Variants in KCNK1 observed in about 807,000 individuals in gnomAD.
The protein encoded by KCNK1 is potassium channel subfamily K member 1.
Under a neutral mutation model 22.2 loss-of-function variants are expected in KCNK1, and 10 were observed. That is an observed-to-expected ratio of 0.45 (90% CI 0.28 to 0.76). The LOEUF is 0.76. KCNK1 is among the 30% of genes least tolerant of loss of function. The pLI is 0.14. For synonymous variants in KCNK1, 200 were observed against 186.4 expected (o/e 1.07, Z -0.60); for missense variants, 378 against 421.0 (o/e 0.90, Z 0.89).
Position 233,623,821 on chromosome 1 carries a change from G to T in KCNK1, c.355+9295G>T, listed in dbSNP as rs1571889381. Among the ~76,000 whole-genome samples, 4 of 152,208 alleles carry T rather than the reference G, an allele frequency of 2.6e-5. No homozygotes were observed. In the South Asian group the frequency reaches 8.3e-4, roughly 32 times the overall value. The stretch of plus-strand genomic sequence containing the variant: ...TTGCCATGCTGGTCTTGAACTCCTG[G>T]CCTCAGGTGATCCACCTCAGCCTCC... On this transcript the variant is annotated intron_variant, in intron 1 of 2. Coordinates refer to ENST00000366621, the MANE Select transcript of KCNK1 (RefSeq NM_002245.4).
At chr1:233,666,206 G>C (rs1658485596) in intron 1 of KCNK1, among the ~76,000 whole-genome samples, 1 of 152,208 alleles carries the variant, frequency 6.6e-6, no homozygotes, top group Non-Finnish European at 1.5e-5. Context: ...GTGAACTGAA[G>C]GGGTGGAGGG....
At chr1:233,649,839 C>A in intron 1 of KCNK1, 1 of 425,648 alleles carries the variant, frequency 2.3e-6, no homozygotes, top group Non-Finnish European at 4.8e-6. Flanking sequence ...CAGACTGTAG[C>A]AGGGAATGAA....
chr1:233,653,356 T>C (rs1658232906), intron 1 of KCNK1, among the ~76,000 whole-genome samples: 1 of 152,206 alleles, frequency 6.6e-6, no homozygotes, highest in South Asian at 2.1e-4. Flanking sequence ...GGCCTCACTA[T>C]ACCTGAATAA....
chr1:233,651,902 G>A (rs1482806249), intron 1 of KCNK1, among the ~76,000 whole-genome samples: 1 of 152,228 alleles, frequency 6.6e-6, no homozygotes, highest in East Asian at 1.9e-4. Context: ...ATTCACATGA[G>A]GTTGTATAAA....
At chr1:233,622,153 TGTGA>T (rs1248465314) in intron 1 of KCNK1, among the ~76,000 whole-genome samples, 1 of 152,206 alleles carries the variant, frequency 6.6e-6, no homozygotes, top group African/African-American at 2.4e-5. Flanking sequence ...TGTTGCTGTG[TGTGA>T]GTGTCTATTG....
chr1:233,616,403 A>G (rs951410715), intron 1 of KCNK1, among the ~76,000 whole-genome samples: 2 of 152,222 alleles, frequency 1.3e-5, no homozygotes, highest in Non-Finnish European at 2.9e-5. Context: ...ATAATCTTGA[A>G]TAGATGAAAT....
intron 1 of KCNK1, among the ~76,000 whole-genome samples, chr1:233,651,249 A>G (rs1345827410): frequency 2.0e-5 from 3 of 152,180 alleles, no homozygotes; most frequent in African/African-American, 7.2e-5. Context: ...CACAGCATCT[A>G]TGCCCCAGGG....
At chr1:233,657,965 G>A (rs1047299908) in intron 1 of KCNK1, among the ~76,000 whole-genome samples, 4 of 152,146 alleles carry the variant, frequency 2.6e-5, no homozygotes, top group East Asian at 3.8e-4. Flanking sequence ...TGTAACATAC[G>A]TGTTTCTTTT....
chr1:233,638,731 C>T (rs1012163383), intron 1 of KCNK1, among the ~76,000 whole-genome samples: 5 of 152,174 alleles, frequency 3.3e-5, no homozygotes, highest in Non-Finnish European at 7.3e-5. Flanking sequence ...ATGAGCACTC[C>T]AGCTCTGCAT....
intron 1 of KCNK1, among the ~76,000 whole-genome samples, chr1:233,652,590 C>T (rs1658221323): frequency 6.6e-6 from 1 of 152,128 alleles, no homozygotes; most frequent in African/African-American, 2.4e-5. Context: ...CTTCACAGGT[C>T]TGGAGTGAGG....
chr1:233,636,949 C>T (rs1373826652), intron 1 of KCNK1, among the ~76,000 whole-genome samples: 3 of 152,062 alleles, frequency 2.0e-5, no homozygotes, highest in Non-Finnish European at 2.9e-5. Context: ...GTAATCCCAG[C>T]ACTTTGGGAG....
intron 1 of KCNK1, chr1:233,631,184 C>T (rs1657784234): frequency 2.1e-6 from 1 of 475,538 alleles, no homozygotes; most frequent in Non-Finnish European, 4.4e-6. Flanking sequence ...TTATTTATAC[C>T]TACGTGGTAA....
intron 1 of KCNK1, among the ~76,000 whole-genome samples, chr1:233,640,793 C>T (rs889485659): frequency 3.9e-5 from 6 of 152,152 alleles, no homozygotes; most frequent in Non-Finnish European, 7.3e-5. Flanking sequence ...CAGCCTCCAC[C>T]TCCCAGGTTC....
chr1:233,638,480 A>G (rs1277843359), intron 1 of KCNK1, among the ~76,000 whole-genome samples: 1 of 151,532 alleles, frequency 6.6e-6, no homozygotes, highest in African/African-American at 2.4e-5. Context: ...CAGAAGGGAG[A>G]ATGTTTTTCT....
chr1:233,642,835 C>G (rs1423650906), intron 1 of KCNK1, among the ~76,000 whole-genome samples: 1 of 151,290 alleles, frequency 6.6e-6, no homozygotes, highest in African/African-American at 2.4e-5. Flanking sequence ...GTGGCGTGAT[C>G]TAGGCTCACT....
chr1:233,648,060 C>T (rs1658129133), intron 1 of KCNK1, among the ~76,000 whole-genome samples: 1 of 152,196 alleles, frequency 6.6e-6, no homozygotes, highest in South Asian at 2.1e-4. Flanking sequence ...ATTATGGAAT[C>T]ATCACAGATT....
rs1445261765 is a variant in KCNK1 at position 233,672,159 on chromosome 1, T to C, written c.*629T>C. ...TAAGACTATAGATATTTTGTTTCTT[T>C]TGATTTCTCTTTATACTAAAGAATC... is the stretch of plus-strand genomic sequence containing the variant. On this transcript the variant is annotated 3_prime_UTR_variant, in exon 3 of 3. Coordinates refer to ENST00000366621, the MANE Select transcript of KCNK1 (RefSeq NM_002245.4). 2 of 152,706 alleles carry C rather than the reference T, an allele frequency of 1.3e-5. No individual in the cohort carries two copies. The highest frequency in any genetic ancestry group is 4.8e-5 in the African/African-American group (2 of 41,438). The allele number at this position is 152,706 out of a possible 1,614,324, so 9.5% of individuals were successfully genotyped here. A position where few individuals can be genotyped will look rare whatever the true frequency, so the allele number is the denominator to read the frequency against.
In KCNK1 at chr1:233,646,531, C is replaced by CATTATTATT. The variant is rs74592680; in HGVS notation, c.356-20045_356-20037dup. On this transcript the variant is annotated intron_variant, in intron 1 of 2. Transcript: ENST00000366621. ...GTGGCCGCAGTTTTGGTGTTGGCACCATTATTATTATTATTATTATTATTA... is the reference window on the plus strand; with the variant it reads ...GTGGCCGCAGTTTTGGTGTTGGCACCATTATTATTATTATTATTATTATTATTATTATTA... Among the ~76,000 whole-genome samples, 23 of 149,920 alleles carry CATTATTATT rather than the reference C, an allele frequency of 1.5e-4. No homozygotes were observed. In the South Asian group the frequency reaches 1.7e-3, roughly 11 times the overall value.
At chr1:233,667,291 T>A (rs1222398731) in intron 2 of KCNK1, among the ~76,000 whole-genome samples, 1 of 152,222 alleles carries the variant, frequency 6.6e-6, no homozygotes, top group Non-Finnish European at 1.5e-5. Context: ...TTTCCGAATT[T>A]ACCACCTTCT....
Sources: allele counts gnomAD v4.1 joint callset (sites outside exome capture counted in the v4.1 genomes callset), GRCh38; gene constraint gnomAD v4.1.1; transcripts MANE v1.5; gene names NCBI Gene and HGNC (gene_info 2026-07-23, HGNC 2026-07-21).